The following ENPEP variants were observed in gnomAD, a reference collection of about 807,000 sequenced individuals.
ENPEP encodes glutamyl aminopeptidase.
In ENPEP, 103 loss-of-function variants were observed where a neutral mutation model predicts 114.5. The ratio of observed to expected loss-of-function variants is 0.90; its 90% CI spans 0.77 to 1.06. The LOEUF (loss-of-function observed/expected upper bound fraction) is 1.06, where lower values mean the gene tolerates loss of function less well. Ranked by LOEUF, ENPEP falls within the 50% of genes least tolerant of loss-of-function variation. The pLI is 0.00. For synonymous variants in ENPEP, 420 were observed against 422.0 expected (o/e 1.00, Z 0.06); for missense variants, 1,196 against 1,161.3 (o/e 1.03, Z -0.43).
At chr4:110,513,865 G>A (rs1057478130) in intron 7 of ENPEP, among the ~76,000 whole-genome samples, 2 of 152,038 alleles carry the variant, frequency 1.3e-5, no homozygotes, top group African/African-American at 4.8e-5. Context: ...TTTTTTAAAA[G>A]ACAATAAATC....
chr4:110,502,816 T>C (rs1192904330), intron 3 of ENPEP, among the ~76,000 whole-genome samples: 1 of 152,184 alleles, frequency 6.6e-6, no homozygotes, highest in Non-Finnish European at 1.5e-5. Flanking sequence ...CTATCACTGG[T>C]TGTTTGATAG....
chr4:110,553,402 G>A lies in ENPEP; in HGVS notation c.2589G>A (p.Gly863=). The part of the protein sequence containing the change: ...VIRYISYNSY[G]KNMAWNWIQL... ...GATATATCTCATATAACAGCTATGG[G>A]AAGAACATGGCCTGGAATTGGATAC... The change falls in exon 18 of 20, where the codon GGG becomes GGA. Residue 863 remains glycine (G), a synonymous_variant. Coordinates refer to ENST00000265162, the MANE Select transcript of ENPEP (RefSeq NM_001977.4). The A allele has an allele frequency of 1.2e-6, 2 of 1,611,484 alleles. No individual in the cohort carries two copies. Among genetic ancestry groups the A allele is most frequent in the Non-Finnish European group, 1.7e-6 (2 of 1,178,290 alleles).
In ENPEP at chr4:110,488,329, A is replaced by C. The variant is rs76705009; in HGVS notation, c.645-212A>C. On this transcript the variant is annotated intron_variant, in intron 1 of 19. Coordinates refer to ENST00000265162, the MANE Select transcript of ENPEP (RefSeq NM_001977.4). The stretch of plus-strand genomic sequence containing the variant: ...AATATGTGAATGAAATATCTGAAGC[A>C]ATCTGACTCAGAATTTTTTAAAAAT... Among the ~76,000 whole-genome samples, 149 of 152,336 alleles carry C rather than the reference A, an allele frequency of 9.8e-4. 3 individuals are homozygous for C. In the East Asian group the frequency reaches 0.019, roughly 19 times the overall value.
intron 1 of ENPEP, 139 bp downstream of exon 1, chr4:110,477,197 C>A: frequency 7.9e-7 from 1 of 1,264,334 alleles, no homozygotes; most frequent in Non-Finnish European, 1.1e-6. Context: ...TCTGGCTGTC[C>A]ATCTGGGAAG....
chr4:110,491,376 G>A (rs1724706657), intron 3 of ENPEP, among the ~76,000 whole-genome samples: 1 of 151,946 alleles, frequency 6.6e-6, no homozygotes, highest in Non-Finnish European at 1.5e-5. Context: ...AGATATTTAT[G>A]GCCTTAAATT....
chr4:110,492,306 T>C (rs1046518528), intron 3 of ENPEP, among the ~76,000 whole-genome samples: 6 of 152,202 alleles, frequency 3.9e-5, no homozygotes, highest in African/African-American at 1.4e-4. Flanking sequence ...GAAACTTAAA[T>C]TCCAAACTCC....
At chr4:110,499,754 A>G (rs191046355) in intron 3 of ENPEP, among the ~76,000 whole-genome samples, 2 of 152,352 alleles carry the variant, frequency 1.3e-5, no homozygotes, top group Admixed American at 6.5e-5. Flanking sequence ...TTGCTTAAAC[A>G]TATAAAAAGT....
intron 3 of ENPEP, among the ~76,000 whole-genome samples, chr4:110,497,062 G>T (rs1368090552): frequency 6.6e-6 from 1 of 152,140 alleles, no homozygotes; most frequent in Non-Finnish European, 1.5e-5. Flanking sequence ...AAATATTTAG[G>T]GAGTGATAAT....
At chr4:110,556,481 GTACATAC>G (rs977709462) in intron 18 of ENPEP, among the ~76,000 whole-genome samples, 1 of 105,970 alleles carries the variant, frequency 9.4e-6, no homozygotes, top group Non-Finnish European at 2.1e-5. Context: ...GTTTCAATGT[GTACATAC>G]ATCTTAGTTT....
At chr4:110,523,732 CA>C (rs971882108) in intron 10 of ENPEP, among the ~76,000 whole-genome samples, 6 of 151,978 alleles carry the variant, frequency 3.9e-5, no homozygotes, top group Non-Finnish European at 8.8e-5. Context: ...AATCAACTGA[CA>C]AAAAAAGGAC....
chr4:110,559,565 TA>T, intron 18 of ENPEP, 81 bp from the exon 19 acceptor site: 2 of 1,000,896 alleles, frequency 2.0e-6, no homozygotes, highest in Non-Finnish European at 3.1e-6. Context: ...AACTATGAAA[TA>T]AAAAGGAAAC....
At chr4:110,511,056 T>C (rs532422328) in intron 6 of ENPEP, among the ~76,000 whole-genome samples, 2 of 152,294 alleles carry the variant, frequency 1.3e-5, no homozygotes, top group Non-Finnish European at 2.9e-5. Flanking sequence ...TATATTTATA[T>C]CATGGGAGTA....
Position 110,476,207 on chromosome 4 carries a change from C to A in ENPEP, c.-208C>A, listed in dbSNP as rs113262412. The A allele has an allele frequency of 1.1e-5, 6 of 564,924 alleles. No individual in the cohort carries two copies. Among genetic ancestry groups the A allele is most frequent in the Non-Finnish European group, 1.8e-5 (6 of 336,052 alleles). 35.0% of individuals were successfully genotyped at this position (564,924 alleles called of 1,614,324 possible). ...CTCTTACGGAGTCCTCATTCCACCC[C>A]CCTTGTTTCCGCATTCATCCTGAGT... On this transcript the variant is annotated 5_prime_UTR_variant, in exon 1 of 20. Coordinates refer to ENST00000265162, the MANE Select transcript of ENPEP (RefSeq NM_001977.4).
At chr4:110,479,935 A>G (rs1442544840) in intron 1 of ENPEP, among the ~76,000 whole-genome samples, 2 of 152,244 alleles carry the variant, frequency 1.3e-5, no homozygotes, top group African/African-American at 2.4e-5. Context: ...TAAGTCTAAA[A>G]AAAGCATTAT....
intron 3 of ENPEP, among the ~76,000 whole-genome samples, chr4:110,497,164 G>C (rs1258568233): frequency 2.0e-5 from 3 of 152,164 alleles, no homozygotes; most frequent in Non-Finnish European, 4.4e-5. Context: ...TGTTATTGTG[G>C]TGTTCTAAAG....
At position 110,549,639 on chromosome 4, in the gene ENPEP, A is replaced by C; in HGVS notation, c.2330+7A>C. 6.2e-7 allele frequency: 1 copy of C among 1,613,356 alleles called. No individual in the cohort carries two copies. The highest frequency in any genetic ancestry group is 8.5e-7 in the Non-Finnish European group (1 of 1,179,568). Reference sequence around the variant, plus strand: ...GGCTAAATGGGACTGTAAGGTGATTACTCACATTGTTATGCTTAGAAGACA... The same window carrying C: ...GGCTAAATGGGACTGTAAGGTGATTCCTCACATTGTTATGCTTAGAAGACA... On this transcript the variant is annotated splice_region_variant and intron_variant, in intron 16 of 19. Coordinates refer to ENST00000265162, the MANE Select transcript of ENPEP (RefSeq NM_001977.4).
chr4:110,515,194 A>T (rs1054700755), intron 7 of ENPEP, among the ~76,000 whole-genome samples, 183 bp from the exon 8 acceptor site: 1 of 152,232 alleles, frequency 6.6e-6, no homozygotes, highest in African/African-American at 2.4e-5. Context: ...ATGCATAGAT[A>T]CAGGGACTGT....
intron 11 of ENPEP, among the ~76,000 whole-genome samples, chr4:110,539,868 A>T (rs1726787176): frequency 6.6e-6 from 1 of 152,066 alleles, no homozygotes; most frequent in Admixed American, 6.6e-5. Context: ...CTTGTCTAAA[A>T]TTTTTTATAA....
rs1213112227 is a variant in ENPEP at position 110,531,296 on chromosome 4, T to G, written c.1807+19T>G. 7.2e-7 allele frequency: 1 copy of G among 1,392,362 alleles called. No individual in the cohort carries two copies. The highest frequency in any genetic ancestry group is 1.5e-5 in the African/African-American group (1 of 68,750). 86.3% of individuals were successfully genotyped at this position (1,392,362 alleles called of 1,614,324 possible). On this transcript the variant is annotated intron_variant, in intron 11 of 19. Coordinates refer to ENST00000265162, the MANE Select transcript of ENPEP (RefSeq NM_001977.4). ...AAAGAAGGTAAATATTATTAATTGA[T>G]TTATTTCTTCTTTGAATTGATGTAC...
Sources: gnomAD v4.1 joint callset for allele counts (sites outside exome capture counted in the v4.1 genomes callset) on GRCh38, gnomAD v4.1.1 for gene constraint, MANE v1.5 for transcripts, NCBI Gene and HGNC (gene_info 2026-07-23, HGNC 2026-07-21) for gene names.